The following PRELID2 variants were observed in gnomAD, a reference collection of about 807,000 sequenced individuals.
PRELID2 encodes PRELI domain-containing protein 2.
PRELID2 carries 25 observed loss-of-function variants against 28.4 expected under a neutral mutation model. That is an observed-to-expected ratio of 0.88 (90% CI 0.64 to 1.23). The LOEUF is 1.23. Among genes scored for constraint, PRELID2 ranks in the 50% most tolerant of loss-of-function variants. The pLI, the probability that PRELID2 is intolerant of heterozygous loss-of-function variation, is 0.00. For missense variants in PRELID2, 201 were observed against 214.4 expected (o/e 0.94, Z 0.39); for synonymous variants, 76 against 71.6 (o/e 1.06, Z -0.31).
chr5:145,828,017 T>C (rs1755314228), intron 1 of PRELID2, among the ~76,000 whole-genome samples: 1 of 142,264 alleles, frequency 7.0e-6, no homozygotes, highest in South Asian at 2.1e-4. Flanking sequence ...TCTGCAATAT[T>C]GTTTTTGAAA....
At chr5:145,550,761 G>A (rs926466244) in intron 1 of PRELID2, among the ~76,000 whole-genome samples, 1 of 152,162 alleles carries the variant, frequency 6.6e-6, no homozygotes, top group African/African-American at 2.4e-5. Flanking sequence ...AGCGATTCTT[G>A]ATCATTGGTG....
intron 4 of PRELID2, among the ~76,000 whole-genome samples, chr5:145,810,924 G>A (rs1259700548): frequency 6.6e-6 from 1 of 151,810 alleles, no homozygotes; most frequent in Non-Finnish European, 1.5e-5. Flanking sequence ...GTTTGAGACA[G>A]AGGTTGTATT....
the PRELID2 span, among the ~76,000 whole-genome samples, chr5:145,383,288 C>G: frequency 6.6e-6 from 1 of 151,272 alleles, no homozygotes; most frequent in Non-Finnish European, 1.5e-5. Context: ...CACATACGTA[C>G]ATATATACAC....
At chr5:145,584,500 C>T (rs1298017918) in intron 1 of PRELID2, among the ~76,000 whole-genome samples, 3 of 152,050 alleles carry the variant, frequency 2.0e-5, no homozygotes, top group Non-Finnish European at 2.9e-5. Context: ...AACAGACAAC[C>T]TACAGCATAG....
the PRELID2 span, among the ~76,000 whole-genome samples, chr5:145,451,725 C>T: frequency 2.6e-5 from 4 of 152,230 alleles, no homozygotes; most frequent in South Asian, 8.3e-4. Context: ...CAAATCATTC[C>T]CTTGACAGCT....
chr5:145,566,721 TC>T (rs1307769960), intron 1 of PRELID2, among the ~76,000 whole-genome samples: 1 of 151,382 alleles, frequency 6.6e-6, no homozygotes, highest in African/African-American at 2.4e-5. Context: ...GCACCTGTAA[TC>T]CCAGCTGCTC....
chr5:145,500,077 T>A (rs1296499003), intron 1 of PRELID2, among the ~76,000 whole-genome samples: 1 of 152,134 alleles, frequency 6.6e-6, no homozygotes, highest in African/African-American at 2.4e-5. Context: ...AGAAGTTGTG[T>A]CGCAAGGTGG....
At chr5:145,424,485 AGTGACCC>A in the PRELID2 span, among the ~76,000 whole-genome samples, 1 of 152,138 alleles carries the variant, frequency 6.6e-6, no homozygotes, top group African/African-American at 2.4e-5. Context: ...TTCGGGTGGG[AGTGACCC>A]GATTTTCCAG....
chr5:145,746,941 A>G (rs1427168727), intron 1 of PRELID2, among the ~76,000 whole-genome samples: 1 of 152,204 alleles, frequency 6.6e-6, no homozygotes, highest in Non-Finnish European at 1.5e-5. Context: ...TCCTGGGTAA[A>G]TTACAAAATT....
At chr5:145,544,460 TTAACA>T (rs1244683519) in intron 1 of PRELID2, among the ~76,000 whole-genome samples, 1 of 152,166 alleles carries the variant, frequency 6.6e-6, no homozygotes. Context: ...ATTATATTTC[TTAACA>T]TAAATTAATA....
At chr5:145,308,460 T>A in the PRELID2 span, among the ~76,000 whole-genome samples, 1 of 152,218 alleles carries the variant, frequency 6.6e-6, no homozygotes, top group East Asian at 1.9e-4. Flanking sequence ...TAATTCCTAG[T>A]CGAATTTCTT....
the PRELID2 span, among the ~76,000 whole-genome samples, chr5:145,270,602 C>T: frequency 2.0e-5 from 3 of 152,082 alleles, no homozygotes; most frequent in South Asian, 6.2e-4. Flanking sequence ...TATTTCTTAC[C>T]TATTATGATT....
the PRELID2 span, among the ~76,000 whole-genome samples, chr5:145,283,167 T>C: frequency 6.6e-6 from 1 of 152,108 alleles, no homozygotes; most frequent in African/African-American, 2.4e-5. Context: ...CAAAACCCTC[T>C]CCAGACAGAG....
At chr5:145,498,165 T>C (rs1165633145) in intron 1 of PRELID2, among the ~76,000 whole-genome samples, 1 of 148,916 alleles carries the variant, frequency 6.7e-6, no homozygotes, top group Non-Finnish European at 1.5e-5. Context: ...TGTTAAACTA[T>C]AAAATAATTT....
chr5:145,434,283 T>C, the PRELID2 span, among the ~76,000 whole-genome samples: 13 of 152,328 alleles, frequency 8.5e-5, no homozygotes, highest in Admixed American at 2.0e-4. Flanking sequence ...GCAGGAAGGT[T>C]TGAGCAAACA....
chr5:145,539,398 A>G (rs1752728682), intron 1 of PRELID2, among the ~76,000 whole-genome samples: 2 of 151,988 alleles, frequency 1.3e-5, no homozygotes, highest in South Asian at 4.1e-4. Context: ...GACCTATTAC[A>G]TCAGAATCTG....
chr5:145,531,321 A>G (rs1201047109), intron 1 of PRELID2, among the ~76,000 whole-genome samples: 7 of 152,126 alleles, frequency 4.6e-5, no homozygotes, highest in Admixed American at 3.9e-4. Flanking sequence ...CCATTTCATT[A>G]CTTTCTCTCC....
intron 1 of PRELID2, among the ~76,000 whole-genome samples, chr5:145,512,317 G>A (rs1042127511): frequency 6.6e-6 from 1 of 152,180 alleles, no homozygotes; most frequent in African/African-American, 2.4e-5. Context: ...CCAAAGCAGG[G>A]TGGGGAGTCG....
chr5:145,298,669 A>G, the PRELID2 span, among the ~76,000 whole-genome samples: 1 of 152,096 alleles, frequency 6.6e-6, no homozygotes, highest in African/African-American at 2.4e-5. Flanking sequence ...AAATGCCGGT[A>G]CGTGTCAAGA....
Sources: gnomAD v4.1 joint callset for allele counts (sites outside exome capture counted in the v4.1 genomes callset) on GRCh38, gnomAD v4.1.1 for gene constraint, MANE v1.5 for transcripts, NCBI Gene and HGNC (gene_info 2026-07-23, HGNC 2026-07-21) for gene names.